Variants in NELL1 observed in about 807,000 individuals in gnomAD.
NELL1 encodes protein kinase C-binding protein NELL1.
In NELL1, 76 loss-of-function variants were observed where a neutral mutation model predicts 107.4. The observed-to-expected ratio is 0.71, with a 90% CI of 0.59 to 0.86. The LOEUF (loss-of-function observed/expected upper bound fraction) is 0.86, where lower values mean the gene tolerates loss of function less well. Ranked by LOEUF, NELL1 falls within the 40% of genes least tolerant of loss-of-function variation. The pLI, the probability that NELL1 is intolerant of heterozygous loss-of-function variation, is 0.00. For missense variants in NELL1, 1,024 were observed against 1,005.5 expected (o/e 1.02, Z -0.25); for synonymous variants, 353 against 341.2 (o/e 1.03, Z -0.38).
chr11:21,186,649 T>C (rs1856941914), intron 13 of NELL1, among the ~76,000 whole-genome samples: 1 of 151,832 alleles, frequency 6.6e-6, no homozygotes, highest in African/African-American at 2.4e-5. Context: ...ATATGTTTGG[T>C]CTTATGTCCA....
In NELL1 at chr11:21,113,444, T is replaced by A. The variant is rs1002344180; in HGVS notation, c.1301-145T>A. 26 of 773,820 alleles carry A rather than the reference T, an allele frequency of 3.4e-5. No homozygotes were observed. The African/African-American group carries it at 4.3e-4, about 13-fold the overall frequency. 47.9% of individuals were successfully genotyped at this position (773,820 alleles called of 1,614,324 possible). A position where few individuals can be genotyped will look rare whatever the true frequency, so the allele number is the denominator to read the frequency against. The stretch of plus-strand genomic sequence containing the variant: ...GGGATCTAACGTACCAAGCTGAATT[T>A]TCACCTAAGCTTTTGTGTTTAATGC... On this transcript the variant is annotated intron_variant, in intron 12 of 19. Transcript: ENST00000357134.
intron 14 of NELL1, among the ~76,000 whole-genome samples, chr11:21,235,769 A>G (rs550483695): frequency 4.6e-5 from 7 of 152,302 alleles, no homozygotes; most frequent in African/African-American, 1.7e-4. Context: ...TTAACATACA[A>G]TGGTAAGAAT....
At chr11:21,065,522 G>A (rs1008446986) in intron 12 of NELL1, among the ~76,000 whole-genome samples, 1 of 152,086 alleles carries the variant, frequency 6.6e-6, no homozygotes, top group African/African-American at 2.4e-5. Flanking sequence ...ACAAAACATT[G>A]ATTTTGTTTT....
intron 5 of NELL1, among the ~76,000 whole-genome samples, chr11:20,899,824 T>C (rs1849833268): frequency 6.6e-6 from 1 of 152,180 alleles, no homozygotes; most frequent in East Asian, 1.9e-4. Flanking sequence ...TTAACAACTT[T>C]ATGCCAATAA....
intron 2 of NELL1, among the ~76,000 whole-genome samples, chr11:20,744,377 C>A (rs929674275): frequency 6.6e-6 from 1 of 152,250 alleles, no homozygotes; most frequent in Non-Finnish European, 1.5e-5. Flanking sequence ...GACCAGTCTT[C>A]TCACTGTCTG....
At chr11:21,570,705 A>T in intron 17 of NELL1, 59 bp from the exon 18 acceptor site, 1 of 1,521,940 alleles carries the variant, frequency 6.6e-7, no homozygotes, top group Non-Finnish European at 9.0e-7. Flanking sequence ...CATTTCTCTT[A>T]GTGTAGCTGT....
At chr11:20,676,462 G>A (rs992552620) in intron 1 of NELL1, among the ~76,000 whole-genome samples, 12 of 152,152 alleles carry the variant, frequency 7.9e-5, no homozygotes, top group Non-Finnish European at 1.6e-4. Flanking sequence ...TGAATGGAAG[G>A]AAGACATCTT....
chr11:20,856,905 G>A (rs779113982), intron 4 of NELL1, among the ~76,000 whole-genome samples: 1 of 152,176 alleles, frequency 6.6e-6, no homozygotes, highest in East Asian at 1.9e-4. Context: ...ATAGATGGGA[G>A]GTTTTGAGAT....
At chr11:20,959,795 C>G (rs1851253213) in intron 11 of NELL1, among the ~76,000 whole-genome samples, 1 of 152,110 alleles carries the variant, frequency 6.6e-6, no homozygotes, top group Non-Finnish European at 1.5e-5. Context: ...ACCACCTGTT[C>G]CCCAAAACCT....
At chr11:20,956,897 G>A (rs1366605541) in intron 11 of NELL1, among the ~76,000 whole-genome samples, 1 of 151,914 alleles carries the variant, frequency 6.6e-6, no homozygotes, top group Non-Finnish European at 1.5e-5. Context: ...AAATTTTATG[G>A]TAGATGTTAC....
At chr11:21,037,346 TG>T (rs1319114798) in intron 12 of NELL1, among the ~76,000 whole-genome samples, 1 of 152,142 alleles carries the variant, frequency 6.6e-6, no homozygotes, top group African/African-American at 2.4e-5. Flanking sequence ...GGCCACTCTA[TG>T]TTAATTTTTT....
chr11:21,374,952 C>A (rs1178652868), intron 15 of NELL1, among the ~76,000 whole-genome samples: 1 of 150,302 alleles, frequency 6.7e-6, no homozygotes, highest in African/African-American at 2.4e-5. Flanking sequence ...TGTGCACATG[C>A]AGGTGTGGAC....
intron 4 of NELL1, among the ~76,000 whole-genome samples, chr11:20,883,864 G>A (rs1358805757): frequency 1.3e-5 from 2 of 152,076 alleles, no homozygotes; most frequent in Non-Finnish European, 2.9e-5. Context: ...ACTAATGTTA[G>A]GAGAAAAAAT....
At chr11:21,362,208 A>G (rs559178033) in intron 14 of NELL1, among the ~76,000 whole-genome samples, 4 of 152,294 alleles carry the variant, frequency 2.6e-5, no homozygotes, top group African/African-American at 9.6e-5. Context: ...ATGCTCTCCC[A>G]CTTTCCCCAG....
intron 14 of NELL1, among the ~76,000 whole-genome samples, chr11:21,289,053 C>T (rs1187439844): frequency 6.6e-6 from 1 of 152,070 alleles, no homozygotes; most frequent in Non-Finnish European, 1.5e-5. Flanking sequence ...TCAAATTAGG[C>T]AATAATAGGG....
intron 15 of NELL1, among the ~76,000 whole-genome samples, chr11:21,437,598 A>T (rs937983250): frequency 6.6e-6 from 1 of 152,090 alleles, no homozygotes; most frequent in Non-Finnish European, 1.5e-5. Flanking sequence ...ACCTCAATTG[A>T]TCCCCTCACC....
intron 12 of NELL1, among the ~76,000 whole-genome samples, chr11:21,108,640 T>C (rs563612112): frequency 6.6e-6 from 1 of 152,278 alleles, no homozygotes; most frequent in East Asian, 1.9e-4. Flanking sequence ...TGTTACTCTT[T>C]TCTAATTCCA....
At chr11:20,772,585 G>C (rs898286658) in intron 2 of NELL1, among the ~76,000 whole-genome samples, 2 of 150,564 alleles carry the variant, frequency 1.3e-5, no homozygotes, top group African/African-American at 4.9e-5. Context: ...AATGTCATAA[G>C]GTGCCTATTA....
intron 14 of NELL1, among the ~76,000 whole-genome samples, chr11:21,326,114 C>A (rs560701827): frequency 2.3e-5 from 2 of 86,112 alleles, no homozygotes; most frequent in African/African-American, 4.4e-5. Context: ...AATGAACACT[C>A]TTACACTAAT....
Sources: gnomAD v4.1 joint callset for allele counts (sites outside exome capture counted in the v4.1 genomes callset) on GRCh38, gnomAD v4.1.1 for gene constraint, MANE v1.5 for transcripts, NCBI Gene and HGNC (gene_info 2026-07-23, HGNC 2026-07-21) for gene names.